Variants in APOO observed in about 807,000 individuals in gnomAD.
APOO encodes the protein MICOS complex subunit MIC26.
APOO carries 11 observed loss-of-function variants against 23.1 expected under a neutral mutation model. That is an observed-to-expected ratio of 0.48 (90% CI 0.30 to 0.79). The LOEUF is 0.79. APOO is among the 30% of genes least tolerant of loss of function. The pLI, the probability that APOO is intolerant of heterozygous loss-of-function variation, is 0.07. For missense variants in APOO, 160 were observed against 142.7 expected (o/e 1.12, Z -0.62); for synonymous variants, 59 against 54.8 (o/e 1.08, Z -0.34).
intron 4 of APOO, among the ~76,000 whole-genome samples, chrX:23,871,020 C>A (rs1413468351): frequency 2.8e-5 from 3 of 107,398 alleles, no homozygotes; most frequent in African/African-American, 1.0e-4. Context: ...ACCTGGGAGG[C>A]AGAGGTTGCA....
At chrX:23,849,835 T>C (rs917638865) in intron 7 of APOO, among the ~76,000 whole-genome samples, 12 of 104,733 alleles carry the variant, frequency 1.1e-4, no homozygotes, top group African/African-American at 3.5e-4. Context: ...GAGGTTGCAG[T>C]GAGCCAACAT....
chrX:23,896,006 A>G (rs750163694), intron 1 of APOO, among the ~76,000 whole-genome samples: 2 of 111,108 alleles, frequency 1.8e-5, no homozygotes, highest in Non-Finnish European at 3.8e-5. Context: ...GCAGTGGCTC[A>G]TGCCTGTAAT....
intron 7 of APOO, among the ~76,000 whole-genome samples, chrX:23,850,247 C>T (rs1302112316): frequency 2.7e-5 from 3 of 112,135 alleles, no homozygotes; most frequent in Non-Finnish European, 5.6e-5. Flanking sequence ...TTGTACTAGT[C>T]CTGCACCTGA....
At chrX:23,904,947 TC>T (rs1227481658) in intron 1 of APOO, among the ~76,000 whole-genome samples, 1 of 111,301 alleles carries the variant, frequency 9.0e-6, no homozygotes, top group Non-Finnish European at 1.9e-5. Context: ...GAAACTTTTC[TC>T]CCTCGATTTT....
chrX:23,899,523 T>C (rs1927040021), intron 1 of APOO, among the ~76,000 whole-genome samples: 1 of 112,401 alleles, frequency 8.9e-6, no homozygotes, highest in African/African-American at 3.2e-5. Flanking sequence ...AATATAACTT[T>C]AGACTAGGAT....
chrX:23,897,545 C>G (rs955788044), intron 1 of APOO, among the ~76,000 whole-genome samples: 1 of 111,780 alleles, frequency 8.9e-6, no homozygotes, highest in African/African-American at 3.2e-5. Flanking sequence ...ATCCTGGGAC[C>G]CACTCAATCT....
At chrX:23,862,755 CAG>C (rs760479931) in intron 5 of APOO, among the ~76,000 whole-genome samples, 1 of 100,133 alleles carries the variant, frequency 1.0e-5, no homozygotes, top group African/African-American at 3.7e-5. Flanking sequence ...ACCTGGGTGA[CAG>C]AGTGAGATCA....
intron 5 of APOO, among the ~76,000 whole-genome samples, chrX:23,864,610 T>A (rs1347272356): frequency 8.9e-6 from 1 of 112,237 alleles, no homozygotes; most frequent in Admixed American, 9.5e-5. Flanking sequence ...ACAGAATGTG[T>A]ACATTAATCC....
At chrX:23,885,645 T>C (rs1926337667) in intron 1 of APOO, among the ~76,000 whole-genome samples, 1 of 110,155 alleles carries the variant, frequency 9.1e-6, no homozygotes, top group Non-Finnish European at 1.9e-5. Context: ...CTTCCCCTCT[T>C]ATCTTACTTG....
intron 8 of APOO, among the ~76,000 whole-genome samples, chrX:23,839,850 C>T (rs1416672471): frequency 1.8e-5 from 2 of 111,308 alleles, no homozygotes; most frequent in East Asian, 5.6e-4. Flanking sequence ...TAGGTTGCTT[C>T]CAAATTCAAT....
intron 1 of APOO, among the ~76,000 whole-genome samples, chrX:23,892,235 A>G (rs1601938273): frequency 9.5e-6 from 1 of 104,733 alleles, no homozygotes; most frequent in South Asian, 4.8e-4. Flanking sequence ...ACAGGCAGCC[A>G]CCACCACACC....
At chrX:23,906,482 CTTTT>C (rs1927361278) in intron 1 of APOO, among the ~76,000 whole-genome samples, 2 of 112,472 alleles carry the variant, frequency 1.8e-5, no homozygotes, top group Non-Finnish European at 3.8e-5. Context: ...TCCTGCTCTC[CTTTT>C]TACTACTTTA....
Position 23,904,860 on chromosome X carries a change from T to C in APOO, c.9+2834A>G, listed in dbSNP as rs112931215. Among the ~76,000 whole-genome samples, 693 of 111,531 alleles carry C rather than the reference T, an allele frequency of 6.2e-3. 9 individuals are homozygous for C. Among genetic ancestry groups the C allele is most frequent in the African/African-American group, 0.022 (661 of 30,734 alleles). ...TGGAATCCATTCTTCCTCTGGACTT[T>C]GTGAGAGAATTTTCCTTACTATTTA... On this transcript the variant is annotated intron_variant, in intron 1 of 8. Coordinates refer to ENST00000379226, the MANE Select transcript of APOO (RefSeq NM_024122.5).
At chrX:23,902,488 G>A (rs1259650914) in intron 1 of APOO, among the ~76,000 whole-genome samples, 2 of 111,422 alleles carry the variant, frequency 1.8e-5, no homozygotes, top group East Asian at 5.6e-4. Context: ...GTTGGACTAG[G>A]ATAAAATCTG....
intron 4 of APOO, among the ~76,000 whole-genome samples, chrX:23,871,934 C>A (rs1601915033): frequency 8.9e-6 from 1 of 112,201 alleles, no homozygotes; most frequent in African/African-American, 3.2e-5. Flanking sequence ...ATTTTAAATA[C>A]TACTATAGGA....
chrX:23,858,589 A>T lies in APOO; in HGVS notation c.480+53T>A. The stretch of plus-strand genomic sequence containing the variant: ...TAAAATAAAATTAAGCATCAGATTC[A>T]TACACACACAAACAAGAATGAGGGA... On this transcript the variant is annotated intron_variant, in intron 6 of 8. Transcript: ENST00000379226. The T allele has an allele frequency of 9.2e-7, 1 of 1,092,410 alleles. No individual in the cohort carries two copies. The highest frequency in any genetic ancestry group is 1.3e-6 in the Non-Finnish European group (1 of 799,586). 90.0% of individuals were successfully genotyped at this position (1,092,410 alleles called of 1,213,427 possible).
At chrX:23,890,723 T>C (rs1926616395) in intron 1 of APOO, among the ~76,000 whole-genome samples, 1 of 112,067 alleles carries the variant, frequency 8.9e-6, no homozygotes, top group Admixed American at 9.5e-5. Context: ...GGAAGTGTTC[T>C]GAGTACATTT....
intron 1 of APOO, among the ~76,000 whole-genome samples, chrX:23,882,650 T>C (rs1333734717): frequency 1.0e-5 from 1 of 98,033 alleles, no homozygotes; most frequent in East Asian, 3.2e-4. Context: ...ATGGACAAAC[T>C]TTTTTTTTTT....
chrX:23,868,447 G>A (rs1925440132), intron 5 of APOO, 146 bp downstream of exon 5: 2 of 390,843 alleles, frequency 5.1e-6, no homozygotes, highest in African/African-American at 5.0e-5. Context: ...AATCAAATAT[G>A]ATAACCATAT....
Sources: allele counts gnomAD v4.1 joint callset (sites outside exome capture counted in the v4.1 genomes callset), GRCh38; gene constraint gnomAD v4.1.1; transcripts MANE v1.5; gene names NCBI Gene and HGNC (gene_info 2026-07-23, HGNC 2026-07-21).